RAP1GAP2: variants seen among roughly 807,000 people sequenced by gnomAD.
RAP1GAP2 encodes the protein RAP1 GTPase activating protein 2, also known as rap1 GTPase-activating protein 2.
A neutral mutation model predicts 95.0 loss-of-function variants in RAP1GAP2; 27 were observed. The ratio of observed to expected loss-of-function variants is 0.28; its 90% confidence interval spans 0.21 to 0.39. RAP1GAP2 has a LOEUF of 0.39. RAP1GAP2 is among the 10% of genes least tolerant of loss of function. RAP1GAP2 has a pLI of 1.00. For synonymous variants in RAP1GAP2, 373 were observed against 380.9 expected, an observed-to-expected ratio of 0.98 and a Z score of 0.24; for missense variants, 771 against 970.0, an observed-to-expected ratio of 0.79 and a Z score of 2.72.
In RAP1GAP2 at chr17:2,889,889, ATTTT is replaced by A. The variant is rs3039128; in HGVS notation, c.81-15383_81-15380del. On this transcript the variant is annotated intron_variant, in intron 2 of 24. Transcript: ENST00000254695. ...TATATATATATATATATATATATATATTTTTTTTTTTTTTTGTAGAGATGGGTTT... is the reference window on the plus strand; with the variant it reads ...TATATATATATATATATATATATATATTTTTTTTTTTGTAGAGATGGGTTT... Among the ~76,000 whole-genome samples, 95 of 57,316 alleles carry A rather than the reference ATTTT, an allele frequency of 1.7e-3. 1 individual carries two copies. The highest frequency in any genetic ancestry group is 5.9e-3 in the Admixed American group (21 of 3,564). 37.6% of individuals were successfully genotyped at this position (57,316 alleles called of 152,430 possible).
rs374452887 is a variant in RAP1GAP2, at chr17:2,963,459, C to T, written c.276C>T (p.Asp92=). ...ACTATATCCCATACCCCAGCATCGA[C>T]GAGGTAGGTGCCCTCCCCTCACTCC... ...KDDYIPYPSI[D]EVVEKGGPYP... The change falls in exon 6 of 25, where the codon GAC becomes GAT. Residue 92 remains aspartate, a synonymous_variant. Transcript: ENST00000254695. This position sits in a 1 kb window ranked among gnomAD's most constrained non-coding sequence, Gnocchi z 4.8. The T allele has an allele frequency of 7.0e-4, 1,130 of 1,613,854 alleles. 3 individuals are homozygous for T. Among genetic ancestry groups the T allele is most frequent in the African/African-American group, 9.6e-4 (72 of 75,030 alleles).
upstream of RAP1GAP2, among the ~76,000 whole-genome samples, chr17:2,773,125 A>G (rs1038459642): frequency 6.6e-6 from 1 of 152,202 alleles, no homozygotes; most frequent in Non-Finnish European, 1.5e-5. Context: ...GGCGTGAGCC[A>G]CTGTGCCCAG....
At chr17:2,879,618 CA>C (rs1279719319) in intron 2 of RAP1GAP2, among the ~76,000 whole-genome samples, 1 of 151,596 alleles carries the variant, frequency 6.6e-6, no homozygotes, top group Admixed American at 6.6e-5. Context: ...CCCAGCTACT[CA>C]GGAGGCTGAG....
intron 1 of RAP1GAP2, among the ~76,000 whole-genome samples, chr17:2,762,089 C>T (rs918842640): frequency 6.1e-5 from 9 of 146,818 alleles, no homozygotes; most frequent in East Asian, 4.3e-4. Context: ...CCCAGGTTCA[C>T]GCCATTCTCT....
intron 11 of RAP1GAP2, among the ~76,000 whole-genome samples, chr17:2,986,481 G>A (rs549527129): frequency 5.5e-4 from 83 of 152,122 alleles, no homozygotes; most frequent in South Asian, 1.7e-3. Context: ...TCTCCGAGAG[G>A]GAGTCTGTGT....
chr17:2,960,064 G>T (rs1345625632), intron 4 of RAP1GAP2, among the ~76,000 whole-genome samples: 2 of 145,630 alleles, frequency 1.4e-5, no homozygotes, highest in African/African-American at 5.2e-5. Context: ...GGTGGAGGCT[G>T]CAGTGAGCCG....
rs1445850551 is a variant in RAP1GAP2 at position 2,817,919 on chromosome 17, C to T, written c.80+17369C>T. ...GGGCACAATCTCAGCTCACTGCAAC[C>T]TCTGCTTCCCAGGTTCATGCCATTC... is the stretch of plus-strand genomic sequence containing the variant. On this transcript the variant is annotated intron_variant, in intron 2 of 24. Transcript: ENST00000254695. Among the ~76,000 whole-genome samples the T allele has an allele frequency of 6.5e-4, 39 of 59,950 alleles. 8 individuals carry two copies. The highest frequency in any genetic ancestry group is 1.6e-3 in the African/African-American group (36 of 22,884). The allele number at this position is 59,950 out of a possible 152,430, so 39.3% of individuals were successfully genotyped here. A position where few individuals can be genotyped will look rare whatever the true frequency, so the allele number is the denominator to read the frequency against.
At chr17:2,918,814 T>G (rs2042658607) in intron 3 of RAP1GAP2, among the ~76,000 whole-genome samples, 1 of 152,110 alleles carries the variant, frequency 6.6e-6, no homozygotes, top group Non-Finnish European at 1.5e-5. Context: ...TCCAAACTAT[T>G]TCAAGGATAA....
intron 3 of RAP1GAP2, among the ~76,000 whole-genome samples, chr17:2,952,311 T>G (rs538989826): frequency 1.3e-5 from 2 of 152,346 alleles, no homozygotes; most frequent in South Asian, 2.1e-4. Flanking sequence ...TCTTGTCGTT[T>G]ATTGTATGAG....
intron 19 of RAP1GAP2, 29 bp downstream of exon 19, chr17:3,020,624 C>T (rs964290279): frequency 6.3e-7 from 1 of 1,590,022 alleles, no homozygotes. Flanking sequence ...CTACCCCAGC[C>T]TGACTTGCGG....
intron 2 of RAP1GAP2, among the ~76,000 whole-genome samples, chr17:2,801,764 G>T (rs1170194965): frequency 6.6e-6 from 1 of 152,008 alleles, no homozygotes; most frequent in Non-Finnish European, 1.5e-5. Context: ...ACCTGCCTCG[G>T]TTTACCGTGT....
In RAP1GAP2 at chr17:2,814,350, G is replaced by A. The variant is rs115982073; in HGVS notation, c.80+13800G>A. 5.4e-3 allele frequency among the ~76,000 whole-genome samples: 818 copies of A among 152,232 alleles called. 5 individuals are homozygous for A. The highest frequency in any genetic ancestry group is 0.018 in the African/African-American group (743 of 41,544). On this transcript the variant is annotated intron_variant, in intron 2 of 24. Coordinates refer to ENST00000254695, the MANE Select transcript of RAP1GAP2 (RefSeq NM_015085.5). Reference sequence around the variant, plus strand: ...TTGCTGTGTGTGGCTGGGCACTTTCGCCTGTGGCTGTGCTGCTCTGCCCAC... The same window carrying A: ...TTGCTGTGTGTGGCTGGGCACTTTCACCTGTGGCTGTGCTGCTCTGCCCAC...
intron 2 of RAP1GAP2, among the ~76,000 whole-genome samples, chr17:2,895,397 C>G (rs1383604335): frequency 3.9e-5 from 6 of 152,236 alleles, no homozygotes; most frequent in Non-Finnish European, 7.3e-5. Context: ...AAGCCTCACT[C>G]TGCTCCTTTC....
chr17:2,991,396 G>T lies in RAP1GAP2; in HGVS notation c.913G>T (p.Gly305Cys). 3.8e-6 allele frequency: 6 copies of T among 1,596,320 alleles called. No individual in the cohort carries two copies. Among genetic ancestry groups the T allele is most frequent in the Non-Finnish European group, 5.1e-6 (6 of 1,170,968 alleles). ...CACGATCACACTGCAGGATTTCAAAGGGTGGGTTTTAGCCAAGTGACGGCT... is the reference window on the plus strand; with the variant it reads ...CACGATCACACTGCAGGATTTCAAATGGTGGGTTTTAGCCAAGTGACGGCT... ...GDTITLQDFKGFRGGLDVTHG... is the reference protein window; with the variant it reads ...GDTITLQDFKCFRGGLDVTHG... Residue 305 changes from glycine to cysteine, a missense_variant and splice_region_variant, in exon 12 of 25, where the codon GGT becomes TGT. Transcript: ENST00000254695.
intron 17 of RAP1GAP2, among the ~76,000 whole-genome samples, chr17:3,012,162 C>T (rs1170452343): frequency 6.6e-6 from 1 of 152,100 alleles, no homozygotes; most frequent in Admixed American, 6.5e-5. Flanking sequence ...GTAATGGAAG[C>T]GTTTCTCCCA....
intron 3 of RAP1GAP2, among the ~76,000 whole-genome samples, chr17:2,911,991 C>T (rs985234421): frequency 2.6e-5 from 4 of 152,192 alleles, no homozygotes; most frequent in African/African-American, 9.7e-5. Context: ...AGTCTGAGGG[C>T]AGCCCCTCTC....
chr17:2,912,178 G>A (rs977107657), intron 3 of RAP1GAP2, among the ~76,000 whole-genome samples: 43 of 152,210 alleles, frequency 2.8e-4, no homozygotes, highest in African/African-American at 1.0e-3. Context: ...GCAGGGAAGA[G>A]GATGGAGATC....
chr17:2,907,348 G>A (rs565104010), intron 3 of RAP1GAP2, among the ~76,000 whole-genome samples: 12 of 152,318 alleles, frequency 7.9e-5, no homozygotes, highest in Non-Finnish European at 1.3e-4. Context: ...ACAGCTTTCC[G>A]CCACATGTGC....
intron 3 of RAP1GAP2, among the ~76,000 whole-genome samples, chr17:2,950,760 G>A (rs974013852): frequency 6.6e-6 from 1 of 151,800 alleles, no homozygotes. Context: ...ACAGGTGCCC[G>A]CCACCATGCC....
Sources: allele counts gnomAD v4.1 joint callset (sites outside exome capture counted in the v4.1 genomes callset), GRCh38; gene constraint gnomAD v4.1.1; non-coding constraint Gnocchi (gnomAD v3.1); transcripts MANE v1.5; gene names NCBI Gene and HGNC (gene_info 2026-07-23, HGNC 2026-07-21).